CCSER1: variants seen among roughly 807,000 people sequenced by gnomAD.
CCSER1 encodes the protein serine-rich coiled-coil domain-containing protein 1.
CCSER1 carries 41 observed loss-of-function variants against 82.0 expected under a neutral mutation model. That is an observed-to-expected ratio of 0.50 (90% CI 0.39 to 0.65). The LOEUF is 0.65. CCSER1 is among the 30% of genes least tolerant of loss of function. CCSER1 has a pLI of 0.00. For synonymous variants in CCSER1, 414 were observed against 383.9 expected (o/e 1.08, Z -0.92); for missense variants, 1,119 against 1,064.2 (o/e 1.05, Z -0.72).
At chr4:91,560,525 ATTAAT>A (rs1176766386) in intron 10 of CCSER1, among the ~76,000 whole-genome samples, 3 of 151,630 alleles carry the variant, frequency 2.0e-5, no homozygotes, top group Non-Finnish European at 4.4e-5. Context: ...CTGGCAGGCT[ATTAAT>A]TTAACTATAT....
intron 3 of CCSER1, among the ~76,000 whole-genome samples, chr4:90,356,901 G>T (rs1182913789): frequency 1.3e-5 from 2 of 151,830 alleles, no homozygotes; most frequent in Admixed American, 6.6e-5. Flanking sequence ...AAACTCAGGG[G>T]ATTTAAGAGG....
At chr4:91,296,926 G>A (rs1208936242) in intron 10 of CCSER1, among the ~76,000 whole-genome samples, 1 of 151,364 alleles carries the variant, frequency 6.6e-6, no homozygotes, top group Non-Finnish European at 1.5e-5. Flanking sequence ...AAATTATAAT[G>A]AATATTATAT....
At chr4:90,233,201 T>C (rs553253784) in intron 1 of CCSER1, among the ~76,000 whole-genome samples, 45 of 152,008 alleles carry the variant, frequency 3.0e-4, no homozygotes, top group Non-Finnish European at 5.1e-4. Context: ...TTATTCACAA[T>C]AGCAAAGACT....
At chr4:91,293,545 A>T (rs909588600) in intron 10 of CCSER1, among the ~76,000 whole-genome samples, 11 of 152,012 alleles carry the variant, frequency 7.2e-5, no homozygotes, top group African/African-American at 2.7e-4. Context: ...AAAATAAATC[A>T]TCCCTTATAA....
intron 7 of CCSER1, among the ~76,000 whole-genome samples, chr4:90,805,472 C>G (rs1452679676): frequency 2.6e-5 from 4 of 152,148 alleles, no homozygotes; most frequent in Admixed American, 2.0e-4. Context: ...TTATAACTGA[C>G]CATGATGGAA....
At chr4:91,587,610 T>G (rs546170304) in intron 10 of CCSER1, among the ~76,000 whole-genome samples, 1 of 151,922 alleles carries the variant, frequency 6.6e-6, no homozygotes, top group South Asian at 2.1e-4. Flanking sequence ...ATATAATTTC[T>G]GCATATCCAT....
chr4:90,907,288 C>T (rs539774173), intron 8 of CCSER1, among the ~76,000 whole-genome samples: 1 of 152,196 alleles, frequency 6.6e-6, no homozygotes, highest in South Asian at 2.1e-4. Context: ...AGCAGAAATT[C>T]CCTAATGCAA....
Position 90,877,046 on chromosome 4 carries a change from G to C in CCSER1, c.2095-46324G>C, listed in dbSNP as rs181501398. On this transcript the variant is annotated intron_variant, in intron 8 of 10. Coordinates refer to ENST00000509176, the MANE Select transcript of CCSER1 (RefSeq NM_001145065.2). The stretch of plus-strand genomic sequence containing the variant: ...TAATCCAACACTTTTTTTCTTTATA[G>C]TGAGGGAAACTAAGTTTCAGAGAGT... Among the ~76,000 whole-genome samples the C allele has an allele frequency of 2.6e-5, 4 of 151,960 alleles. No individual in the cohort carries two copies. The East Asian group carries it at 5.8e-4, about 22-fold the overall frequency.
intron 6 of CCSER1, among the ~76,000 whole-genome samples, chr4:90,709,509 C>CCTTAATGCT (rs1407267908): frequency 6.6e-6 from 1 of 152,044 alleles, no homozygotes; most frequent in Admixed American, 6.6e-5. Flanking sequence ...CATTTAGGTC[C>CCTTAATGCT]CACTTAAAAG....
chr4:91,391,055 G>C lies in CCSER1; in HGVS notation c.2218-207517G>C, dbSNP rs1751614789. On this transcript the variant is annotated intron_variant, in intron 10 of 10. Coordinates refer to ENST00000509176, the MANE Select transcript of CCSER1 (RefSeq NM_001145065.2). The stretch of plus-strand genomic sequence containing the variant: ...GCTTTGTTGATTTTCTCTATTTCCT[G>C]TTTTAAGTTATTTTCTACTCTAATT... Among the ~76,000 whole-genome samples, 2 of 151,098 alleles carry C rather than the reference G, an allele frequency of 1.3e-5. 1 individual carries two copies. The highest frequency in any genetic ancestry group is 1.3e-4 in the Admixed American group (2 of 15,110).
chr4:91,600,182 G>T lies in CCSER1; in HGVS notation c.*1125G>T, dbSNP rs1277979478. ...TAACAGGAATATTTAAAACCCATTT[G>T]ATGGCAAATATTTCTCTTTGACAAA... On this transcript the variant is annotated 3_prime_UTR_variant, in exon 11 of 11. Coordinates refer to ENST00000509176, the MANE Select transcript of CCSER1 (RefSeq NM_001145065.2). 1 of 151,992 alleles carries T rather than the reference G, an allele frequency of 6.6e-6. No homozygotes were observed. 9.4% of individuals were successfully genotyped at this position (151,992 alleles called of 1,614,324 possible). A position where few individuals can be genotyped will look rare whatever the true frequency, so the allele number is the denominator to read the frequency against.
intron 10 of CCSER1, among the ~76,000 whole-genome samples, chr4:91,305,191 CAA>C (rs1744959480): frequency 6.6e-6 from 1 of 151,860 alleles, no homozygotes; most frequent in Non-Finnish European, 1.5e-5. Context: ...TAGAATCATT[CAA>C]AAGTTTGTTT....
intron 6 of CCSER1, among the ~76,000 whole-genome samples, chr4:90,698,521 T>A (rs999272917): frequency 3.9e-5 from 6 of 152,218 alleles, no homozygotes; most frequent in Non-Finnish European, 7.3e-5. Context: ...TACAAATTGA[T>A]CTTTTCCATG....
At chr4:90,289,299 T>G (rs1219279979) in intron 1 of CCSER1, among the ~76,000 whole-genome samples, 1 of 151,968 alleles carries the variant, frequency 6.6e-6, no homozygotes, top group Non-Finnish European at 1.5e-5. Context: ...AAATATGTCC[T>G]TTTACCTTAT....
intron 5 of CCSER1, among the ~76,000 whole-genome samples, chr4:90,605,821 T>C (rs1159565679): frequency 6.6e-6 from 1 of 152,184 alleles, no homozygotes; most frequent in Non-Finnish European, 1.5e-5. Context: ...TGTATATTTT[T>C]TTTCAAAATG....
chr4:90,666,057 C>T (rs1731721264), intron 6 of CCSER1, among the ~76,000 whole-genome samples: 1 of 152,084 alleles, frequency 6.6e-6, no homozygotes, highest in Non-Finnish European at 1.5e-5. Flanking sequence ...ACATGCCCCC[C>T]TCAATCTTCA....
intron 9 of CCSER1, among the ~76,000 whole-genome samples, chr4:90,984,851 G>T (rs756529221): frequency 6.6e-6 from 1 of 151,770 alleles, no homozygotes; most frequent in Non-Finnish European, 1.5e-5. Flanking sequence ...GTATCTTAGT[G>T]AATTATTCTT....
intron 10 of CCSER1, among the ~76,000 whole-genome samples, chr4:91,506,424 A>G (rs1464050198): frequency 6.6e-6 from 1 of 151,854 alleles, no homozygotes; most frequent in African/African-American, 2.4e-5. Flanking sequence ...TGTTTTGGCT[A>G]TATGGGCTAT....
intron 6 of CCSER1, among the ~76,000 whole-genome samples, chr4:90,691,995 A>G (rs557800202): frequency 5.3e-5 from 8 of 150,430 alleles, no homozygotes; most frequent in African/African-American, 1.9e-4. Flanking sequence ...TAAATTTTTT[A>G]AAATTTTGCA....
Sources: gnomAD v4.1 joint callset for allele counts (sites outside exome capture counted in the v4.1 genomes callset) on GRCh38, gnomAD v4.1.1 for gene constraint, MANE v1.5 for transcripts, NCBI Gene and HGNC (gene_info 2026-07-23, HGNC 2026-07-21) for gene names.